PKP4: variants seen among roughly 807,000 people sequenced by gnomAD.
PKP4 encodes plakophilin-4.
PKP4 carries 90 observed loss-of-function variants against 145.1 expected under a neutral mutation model. The ratio of observed to expected loss-of-function variants is 0.62; its 90% CI spans 0.52 to 0.74. PKP4 has a LOEUF of 0.74. Ranked by LOEUF, PKP4 falls within the 30% of genes least tolerant of loss-of-function variation. The probability of loss-of-function intolerance (pLI) is 0.00; values close to 1 mark genes in which losing one functional copy is unlikely to be tolerated. For synonymous variants in PKP4, 563 were observed against 577.2 expected, an observed-to-expected ratio of 0.98 and a Z score of 0.35; for missense variants, 1,340 against 1,482.7, an observed-to-expected ratio of 0.90 and a Z score of 1.58.
chr2:158,596,976 GATGAGT>G (rs1398288386), intron 3 of PKP4, among the ~76,000 whole-genome samples: 2 of 152,158 alleles, frequency 1.3e-5, no homozygotes, highest in Non-Finnish European at 2.9e-5. Flanking sequence ...TCTTTTCATA[GATGAGT>G]ATAAGGAGAG....
chr2:158,560,403 T>C (rs1462712679), intron 2 of PKP4, among the ~76,000 whole-genome samples: 1 of 152,094 alleles, frequency 6.6e-6, no homozygotes, highest in East Asian at 1.9e-4. Context: ...GGATCTTCTG[T>C]ATATGAAGTT....
At chr2:158,507,188 T>C (rs2041065058) in intron 1 of PKP4, among the ~76,000 whole-genome samples, 1 of 152,198 alleles carries the variant, frequency 6.6e-6, no homozygotes, top group Non-Finnish European at 1.5e-5. Flanking sequence ...GGTGCAGATA[T>C]ATTGATCCAT....
rs559793244 is a variant in PKP4 at position 158,468,048 on chromosome 2, T to C, written c.-6+10830T>C. Among the ~76,000 whole-genome samples the C allele has an allele frequency of 2.6e-5, 4 of 152,338 alleles. No individual in the cohort carries two copies. In the East Asian group the frequency reaches 7.7e-4, roughly 29 times the overall value. ...TTTGCTTAACCATTCACCTGTTGTTTCCAACTTATAGCTATTACAAATAGA... is the reference window on the plus strand; with the variant it reads ...TTTGCTTAACCATTCACCTGTTGTTCCCAACTTATAGCTATTACAAATAGA... On this transcript the variant is annotated intron_variant, in intron 1 of 21. Coordinates refer to ENST00000389759, the MANE Select transcript of PKP4 (RefSeq NM_003628.6).
intron 8 of PKP4, 138 bp downstream of exon 8, chr2:158,632,079 C>G: frequency 1.5e-6 from 1 of 680,890 alleles, no homozygotes; most frequent in Non-Finnish European, 2.5e-6. Flanking sequence ...GACAGCAGAT[C>G]AATAAGCAAT....
intron 2 of PKP4, among the ~76,000 whole-genome samples, chr2:158,573,324 G>T (rs1389141524): frequency 6.6e-6 from 1 of 152,156 alleles, no homozygotes; most frequent in Non-Finnish European, 1.5e-5. Flanking sequence ...TGCCATTTAT[G>T]GCTCTCTAAA....
intron 2 of PKP4, among the ~76,000 whole-genome samples, chr2:158,561,396 T>C (rs1431803013): frequency 6.6e-6 from 1 of 152,240 alleles, no homozygotes; most frequent in African/African-American, 2.4e-5. Context: ...CTTAGGTCTT[T>C]TGATCATTTC....
intron 2 of PKP4, among the ~76,000 whole-genome samples, chr2:158,534,279 G>A (rs1045504198): frequency 2.6e-5 from 4 of 152,112 alleles, no homozygotes; most frequent in African/African-American, 7.2e-5. Context: ...CTTGGAATGT[G>A]GCATGAAAGA....
intron 2 of PKP4, among the ~76,000 whole-genome samples, chr2:158,534,006 G>T (rs1054088921): frequency 6.6e-6 from 1 of 151,652 alleles, no homozygotes; most frequent in African/African-American, 2.4e-5. Context: ...TCCAGGGATG[G>T]TTTTTTTGTT....
chr2:158,588,494 T>G (rs543076570), intron 3 of PKP4, among the ~76,000 whole-genome samples: 1 of 152,194 alleles, frequency 6.6e-6, no homozygotes, highest in Non-Finnish European at 1.5e-5. Flanking sequence ...TGATGTTGTT[T>G]GCTCATTTTT....
At chr2:158,630,086 A>T (rs2053213889) in intron 7 of PKP4, among the ~76,000 whole-genome samples, 1 of 152,208 alleles carries the variant, frequency 6.6e-6, no homozygotes, top group Non-Finnish European at 1.5e-5. Context: ...TTTTTTTAAA[A>T]GCAAATATAT....
At chr2:158,519,921 A>G (rs1006782205) in intron 1 of PKP4, among the ~76,000 whole-genome samples, 1 of 152,046 alleles carries the variant, frequency 6.6e-6, no homozygotes, top group African/African-American at 2.4e-5. Context: ...TGAATTTGTC[A>G]TGATTTTCAT....
intron 19 of PKP4, among the ~76,000 whole-genome samples, chr2:158,675,701 A>G (rs1274124401): frequency 6.6e-6 from 1 of 152,178 alleles, no homozygotes; most frequent in Non-Finnish European, 1.5e-5. Flanking sequence ...CTGTCCTACT[A>G]CTTTCTGGAA....
At chr2:158,612,698 A>T (rs1464030206) in intron 4 of PKP4, among the ~76,000 whole-genome samples, 1 of 152,208 alleles carries the variant, frequency 6.6e-6, no homozygotes, top group Non-Finnish European at 1.5e-5. Flanking sequence ...TAACAAAAAC[A>T]TTTGTTTCAA....
At chr2:158,548,941 T>C in intron 2 of PKP4, 1 of 171,166 alleles carries the variant, frequency 5.8e-6, no homozygotes, top group South Asian at 1.2e-4. Flanking sequence ...CCTGCTTGCC[T>C]TATGTCCTAA....
intron 3 of PKP4, chr2:158,578,255 A>G (rs1486333511): frequency 2.5e-5 from 5 of 200,146 alleles, no homozygotes; most frequent in Non-Finnish European, 4.5e-5. Context: ...ACATTAAACT[A>G]TTGGGCTGGT....
chr2:158,491,626 T>C (rs1694952002), intron 1 of PKP4, among the ~76,000 whole-genome samples: 1 of 152,036 alleles, frequency 6.6e-6, no homozygotes, highest in African/African-American at 2.4e-5. Flanking sequence ...ACAAAAGTCT[T>C]TAATATCCCA....
intron 1 of PKP4, among the ~76,000 whole-genome samples, chr2:158,523,364 A>G (rs1258874554): frequency 8.8e-6 from 1 of 114,020 alleles, no homozygotes; most frequent in Admixed American, 9.8e-5. Context: ...CCCCCCCAGC[A>G]GGGGCACACT....
chr2:158,665,787 AAC>A (rs1434750210), intron 15 of PKP4: 2 of 152,216 alleles, frequency 1.3e-5, no homozygotes, highest in African/African-American at 4.8e-5. Context: ...ATTTTTAAAA[AAC>A]AGCATCAGCA....
chr2:158,507,674 G>A (rs2041113389), intron 1 of PKP4, among the ~76,000 whole-genome samples: 1 of 152,086 alleles, frequency 6.6e-6, no homozygotes, highest in Admixed American at 6.5e-5. Flanking sequence ...TCACATTACT[G>A]AAGTTAACAT....
Sources: allele counts gnomAD v4.1 joint callset (sites outside exome capture counted in the v4.1 genomes callset), GRCh38; gene constraint gnomAD v4.1.1; transcripts MANE v1.5; gene names NCBI Gene and HGNC (gene_info 2026-07-23, HGNC 2026-07-21).